The following TOMM20L variants were observed in gnomAD, a reference collection of about 807,000 sequenced individuals.
TOMM20L encodes the protein TOMM20-like protein 1.
A neutral mutation model predicts 20.4 loss-of-function variants in TOMM20L; 19 were observed. The observed-to-expected ratio is 0.93, with a 90% CI of 0.65 to 1.36. The LOEUF is 1.36. Among genes scored for constraint, TOMM20L ranks in the 40% most tolerant of loss-of-function variants. The pLI, the probability that TOMM20L is intolerant of heterozygous loss-of-function variation, is 0.00. For missense variants in TOMM20L, 218 were observed against 203.7 expected (o/e 1.07, Z -0.43); for synonymous variants, 75 against 79.6 (o/e 0.94, Z 0.30).
chr14:58,415,559 A>G, the TOMM20L span, among the ~76,000 whole-genome samples: 1 of 152,230 alleles, frequency 6.6e-6, no homozygotes, highest in Non-Finnish European at 1.5e-5. Flanking sequence ...TGAAAAATAC[A>G]ATAACCAAAA....
chr14:58,406,479 G>C (rs1365495098), intron 3 of TOMM20L, among the ~76,000 whole-genome samples: 2 of 151,988 alleles, frequency 1.3e-5, no homozygotes, highest in African/African-American at 2.4e-5. Flanking sequence ...CTTACCTGTA[G>C]GGCCATATTT....
the TOMM20L span, among the ~76,000 whole-genome samples, chr14:58,416,422 T>C: frequency 6.6e-6 from 1 of 152,090 alleles, no homozygotes; most frequent in Non-Finnish European, 1.5e-5. Flanking sequence ...CAACTGTCAA[T>C]GCAGAAACCT....
chr14:58,407,031 A>ATCC (rs2140306010), intron 3 of TOMM20L, among the ~76,000 whole-genome samples: 1 of 152,340 alleles, frequency 6.6e-6, no homozygotes, highest in East Asian at 1.9e-4. Context: ...AAACCTCAGT[A>ATCC]TCCTCTTCCC....
At chr14:58,399,018 G>A (rs762721591) in intron 2 of TOMM20L, 10 of 152,020 alleles carry the variant, frequency 6.6e-5, no homozygotes, top group Non-Finnish European at 1.2e-4. Flanking sequence ...CTCCTAAATA[G>A]CTGGGACTAC....
At chr14:58,409,051 G>A (rs1218096518), downstream of TOMM20L, 3 of 1,613,316 alleles carry the variant, frequency 1.9e-6, no homozygotes, top group African/African-American at 2.7e-5. Context: ...GGTTGGCCAA[G>A]GAGTCCTGCT....
downstream of TOMM20L, among the ~76,000 whole-genome samples, chr14:58,411,625 TG>T (rs2036219886): frequency 6.6e-6 from 1 of 151,904 alleles, no homozygotes; most frequent in Non-Finnish European, 1.5e-5. Context: ...CTGCAGCCTC[TG>T]CTTCCTGGGT....
intron 2 of TOMM20L, among the ~76,000 whole-genome samples, 168 bp downstream of exon 2, chr14:58,396,509 C>G (rs1594993781): frequency 6.6e-6 from 1 of 152,252 alleles, no homozygotes; most frequent in Non-Finnish European, 1.5e-5. Context: ...CCCAGTCACT[C>G]TCCTCTCACA....
chr14:58,402,280 T>A (rs1289338748), intron 2 of TOMM20L, among the ~76,000 whole-genome samples: 2 of 149,136 alleles, frequency 1.3e-5, no homozygotes, highest in Non-Finnish European at 3.0e-5. Context: ...CAAGATGTCC[T>A]TTTTTTTTTC....
downstream of TOMM20L, chr14:58,410,870 G>A (rs760974022): frequency 1.9e-6 from 3 of 1,610,034 alleles, no homozygotes; most frequent in African/African-American, 1.3e-5. Flanking sequence ...CTCTTGTTGT[G>A]AAGTCTTTAA....
At chr14:58,402,997 A>G (rs756636417) in intron 3 of TOMM20L, among the ~76,000 whole-genome samples, 2 of 152,174 alleles carry the variant, frequency 1.3e-5, no homozygotes, top group Non-Finnish European at 2.9e-5. Context: ...CAAATACAAA[A>G]ATACCTCATT....
chr14:58,409,285 T>G, downstream of TOMM20L: 1 of 1,121,808 alleles, frequency 8.9e-7, no homozygotes, highest in Non-Finnish European at 1.3e-6. Flanking sequence ...ATCTGAGAAT[T>G]AAATAGTACT....
chr14:58,404,119 A>ATATATAT, intron 3 of TOMM20L, among the ~76,000 whole-genome samples: 2 of 8,342 alleles, frequency 2.4e-4, no homozygotes, highest in African/African-American at 3.3e-4. Flanking sequence ...ATATATATAT[A>ATATATAT]TTTTTTTTTT....
chr14:58,412,013 A>C (rs2036236433), downstream of TOMM20L: 10 of 1,469,778 alleles, frequency 6.8e-6, no homozygotes, highest in Non-Finnish European at 9.5e-6. Flanking sequence ...TCTATAAACA[A>C]ATGTTTTTAG....
At chr14:58,412,049 T>G (rs2036237639), downstream of TOMM20L, 2 of 1,024,770 alleles carry the variant, frequency 2.0e-6, no homozygotes, top group East Asian at 4.9e-5. Flanking sequence ...AGGGAATCAC[T>G]GCTCGTATTT....
At position 58,404,993 on chromosome 14, in the gene TOMM20L, A is replaced by T. The variant is rs369230118; in HGVS notation, c.262+2232A>T. Among the ~76,000 whole-genome samples the T allele has an allele frequency of 8.1e-4, 112 of 139,050 alleles. 1 individual carries two copies. The South Asian group carries it at 0.011, about 14-fold the overall frequency. The allele number at this position is 139,050 out of a possible 152,430, so 91.2% of individuals were successfully genotyped here. A position where few individuals can be genotyped will look rare whatever the true frequency, so the allele number is the denominator to read the frequency against. On this transcript the variant is annotated intron_variant, in intron 3 of 4. Transcript: ENST00000360945. Reference sequence around the variant, plus strand: ...ATTTTTTTTTTTTTTTTTGAGATGGAGTTTCACTCTTGTTGCCCAGGCTGG... The same window carrying T: ...ATTTTTTTTTTTTTTTTTGAGATGGTGTTTCACTCTTGTTGCCCAGGCTGG...
At chr14:58,409,281 G>T, downstream of TOMM20L, 6 of 1,169,360 alleles carry the variant, frequency 5.1e-6, no homozygotes, top group African/African-American at 1.6e-5. Flanking sequence ...ATATATCTGA[G>T]AATTAAATAG....
downstream of TOMM20L, among the ~76,000 whole-genome samples, chr14:58,409,611 CTG>C (rs1463242328): frequency 6.6e-6 from 1 of 152,122 alleles, no homozygotes; most frequent in African/African-American, 2.4e-5. Context: ...GGGAGTCTCG[CTG>C]TGTCACCCAG....
At chr14:58,398,928 C>G (rs2035958083) in intron 2 of TOMM20L, 1 of 151,946 alleles carries the variant, frequency 6.6e-6, no homozygotes, top group Non-Finnish European at 1.5e-5. Flanking sequence ...CTCTGTTGCC[C>G]AGGCTGGAGT....
the TOMM20L span, among the ~76,000 whole-genome samples, chr14:58,414,757 A>G: frequency 2.6e-5 from 4 of 151,942 alleles, no homozygotes; most frequent in African/African-American, 7.2e-5. Context: ...AAAAAGAAAA[A>G]AAAGAAAGAA....
Sources: allele counts gnomAD v4.1 joint callset (sites outside exome capture counted in the v4.1 genomes callset), GRCh38; gene constraint gnomAD v4.1.1; transcripts MANE v1.5; gene names NCBI Gene and HGNC (gene_info 2026-07-23, HGNC 2026-07-21).